The following GRM7 variants were observed in gnomAD, a reference collection of about 807,000 sequenced individuals.
GRM7 encodes metabotropic glutamate receptor 7.
A neutral mutation model predicts 84.5 loss-of-function variants in GRM7; 35 were observed. That is an observed-to-expected ratio of 0.41 (90% CI 0.32 to 0.55). The LOEUF (loss-of-function observed/expected upper bound fraction) is 0.55. Ranked by LOEUF, GRM7 falls within the 20% of genes least tolerant of loss-of-function variation. GRM7 has a pLI of 0.19. For missense variants in GRM7, 1,003 were observed against 1,194.6 expected, an observed-to-expected ratio of 0.84 and a Z score of 2.36; for synonymous variants, 487 against 455.1, an observed-to-expected ratio of 1.07 and a Z score of -0.89.
At chr3:7,113,863 G>A (rs188874825) in intron 1 of GRM7, among the ~76,000 whole-genome samples, 15 of 152,168 alleles carry the variant, frequency 9.9e-5, no homozygotes, top group South Asian at 6.2e-4. Flanking sequence ...TTTAGTTTGC[G>A]TCTGGTATAC....
intron 7 of GRM7, among the ~76,000 whole-genome samples, chr3:7,463,166 A>G (rs796337995): frequency 2.0e-5 from 3 of 152,266 alleles, no homozygotes; most frequent in African/African-American, 7.2e-5. Context: ...CTCAGGGCTT[A>G]TTGTAAGATC....
chr3:7,296,898 C>T (rs989668402), intron 2 of GRM7, among the ~76,000 whole-genome samples: 4 of 151,690 alleles, frequency 2.6e-5, no homozygotes, highest in Non-Finnish European at 5.9e-5. Flanking sequence ...ACTCTCCCTC[C>T]TCAGTCTCTT....
intron 1 of GRM7, among the ~76,000 whole-genome samples, chr3:7,101,848 T>G (rs1285962066): frequency 6.7e-6 from 1 of 149,140 alleles, no homozygotes; most frequent in East Asian, 2.0e-4. Context: ...TATATGTATA[T>G]ATACACATTT....
chr3:7,547,289 C>CTCCA (rs1211213282), intron 7 of GRM7, among the ~76,000 whole-genome samples: 1 of 146,956 alleles, frequency 6.8e-6, no homozygotes, highest in East Asian at 2.1e-4. Context: ...TCACTGCAAG[C>CTCCA]TCCACCCCCC....
chr3:7,263,596 C>T lies in GRM7; in HGVS notation c.737-35088C>T, dbSNP rs1477992248. Among the ~76,000 whole-genome samples the T allele has an allele frequency of 2.6e-5, 4 of 152,152 alleles. No homozygotes were observed. The East Asian group carries it at 5.8e-4, about 22-fold the overall frequency. On this transcript the variant is annotated intron_variant, in intron 2 of 9. Transcript: ENST00000357716. ...TGGTCATGTTAGCATGAGGGTGGGG[C>T]GCTGGTGGGCACAGGCCTCTGTGTG...
intron 1 of GRM7, among the ~76,000 whole-genome samples, chr3:6,992,517 T>A (rs1047060080): frequency 2.5e-4 from 38 of 152,052 alleles, no homozygotes; most frequent in African/African-American, 8.9e-4. Context: ...TCAGGAAACG[T>A]TAATAAAGGA....
intron 5 of GRM7, among the ~76,000 whole-genome samples, chr3:7,438,066 A>C (rs1438994769): frequency 6.6e-6 from 1 of 152,116 alleles, no homozygotes. Flanking sequence ...CTCGTAGACT[A>C]TGCTGAGGTT....
chr3:7,649,710 G>C (rs1698838040), intron 8 of GRM7, among the ~76,000 whole-genome samples: 1 of 152,052 alleles, frequency 6.6e-6, no homozygotes, highest in African/African-American at 2.4e-5. Flanking sequence ...GGTAAAGAAT[G>C]ATTGTTGGCT....
At chr3:7,602,768 C>G (rs1283307126) in intron 8 of GRM7, among the ~76,000 whole-genome samples, 1 of 152,120 alleles carries the variant, frequency 6.6e-6, no homozygotes, top group African/African-American at 2.4e-5. Flanking sequence ...GGCTGGTAGT[C>G]AATGAGGAAT....
chr3:7,284,308 GTGTGTA>G (rs749044826), intron 2 of GRM7, among the ~76,000 whole-genome samples: 4 of 128,036 alleles, frequency 3.1e-5, no homozygotes, highest in Admixed American at 9.5e-5. Flanking sequence ...GTGTGTGTGT[GTGTGTA>G]TATACATGAG....
chr3:7,658,601 G>C (rs568319953), intron 8 of GRM7, among the ~76,000 whole-genome samples: 19 of 152,256 alleles, frequency 1.2e-4, no homozygotes, highest in Non-Finnish European at 2.1e-4. Context: ...GCAAGTTAAC[G>C]ATACCCTCTG....
At chr3:7,479,937 C>G (rs905742643) in intron 7 of GRM7, among the ~76,000 whole-genome samples, 6 of 152,222 alleles carry the variant, frequency 3.9e-5, no homozygotes, top group Admixed American at 2.0e-4. Flanking sequence ...GCTACTGTGG[C>G]AACTTATATG....
At chr3:6,913,265 G>A (rs138799154) in intron 1 of GRM7, among the ~76,000 whole-genome samples, 38 of 152,078 alleles carry the variant, frequency 2.5e-4, no homozygotes, top group Non-Finnish European at 5.0e-4. Flanking sequence ...AGTGTAAATG[G>A]GTAGCTAGAT....
At chr3:7,294,754 A>AT (rs1451631597) in intron 2 of GRM7, among the ~76,000 whole-genome samples, 3 of 152,264 alleles carry the variant, frequency 2.0e-5, no homozygotes, top group Admixed American at 1.3e-4. Context: ...ACCTGTTCCA[A>AT]TTACAAATTC....
rs111407489 is a variant in GRM7, at chr3:7,609,960, C to G, written c.2451+30603C>G. On this transcript the variant is annotated intron_variant, in intron 8 of 9. Coordinates refer to ENST00000357716, the MANE Select transcript of GRM7 (RefSeq NM_000844.4). ...CTGGGTACTTCTGACAAATAGATTC[C>G]CAAGGTTTTGCTGCTGGTTCTTGGT... 3.5e-3 allele frequency among the ~76,000 whole-genome samples: 537 copies of G among 152,142 alleles called. 2 individuals carry two copies. Among genetic ancestry groups the G allele is most frequent in the Non-Finnish European group, 5.3e-3 (361 of 68,006 alleles).
chr3:7,302,931 ATTTTT>A (rs761399796), intron 3 of GRM7, among the ~76,000 whole-genome samples: 1 of 121,942 alleles, frequency 8.2e-6, no homozygotes, highest in African/African-American at 3.7e-5. Context: ...TGATTGTTCT[ATTTTT>A]TTTTTTTTTT....
intron 2 of GRM7, among the ~76,000 whole-genome samples, chr3:7,294,931 A>G (rs866071551): frequency 6.6e-6 from 1 of 152,226 alleles, no homozygotes; most frequent in Non-Finnish European, 1.5e-5. Flanking sequence ...TTTATCAAAC[A>G]TATACTTTTA....
chr3:7,369,862 C>G (rs1548146), intron 4 of GRM7, among the ~76,000 whole-genome samples: 1 of 151,982 alleles, frequency 6.6e-6, no homozygotes, highest in African/African-American at 2.4e-5. Flanking sequence ...AAATAAGATT[C>G]TTTTGAATAG....
chr3:7,024,867 C>G (rs1431433119), intron 1 of GRM7, among the ~76,000 whole-genome samples: 1 of 152,246 alleles, frequency 6.6e-6, no homozygotes, highest in African/African-American at 2.4e-5. Context: ...TTTTCTATGA[C>G]TGTTGTAAGA....
Sources: gnomAD v4.1 joint callset for allele counts (sites outside exome capture counted in the v4.1 genomes callset) on GRCh38, gnomAD v4.1.1 for gene constraint, MANE v1.5 for transcripts, NCBI Gene and HGNC (gene_info 2026-07-23, HGNC 2026-07-21) for gene names.